The following PRMT8 variants were observed in gnomAD, a reference collection of about 807,000 sequenced individuals.
The protein encoded by PRMT8 is protein arginine methyltransferase 8.
A neutral mutation model predicts 47.1 loss-of-function variants in PRMT8; 7 were observed. The ratio of observed to expected loss-of-function variants is 0.15; its 90% CI spans 0.08 to 0.28. The LOEUF is 0.28. Among genes scored for constraint, PRMT8 ranks in the 10% least tolerant of loss-of-function variants. The pLI, the probability that PRMT8 is intolerant of heterozygous loss-of-function variation, is 1.00. For synonymous variants in PRMT8, 188 were observed against 186.5 expected (o/e 1.01, Z -0.07); for missense variants, 237 against 505.4 (o/e 0.47, Z 5.09).
At chr12:3,460,935 C>A (rs1188523845) in intron 1 of PRMT8, among the ~76,000 whole-genome samples, 1 of 152,172 alleles carries the variant, frequency 6.6e-6, no homozygotes, top group Non-Finnish European at 1.5e-5. Flanking sequence ...AAGAGGAGGG[C>A]AGTTTCCTGT....
chr12:3,558,879 A>G (rs1329983007), intron 4 of PRMT8, among the ~76,000 whole-genome samples: 5 of 152,128 alleles, frequency 3.3e-5, no homozygotes, highest in Non-Finnish European at 5.9e-5. Context: ...TGTAATTAGT[A>G]AGATTTTCTG....
chr12:3,405,714 A>C (rs1047111695), intron 1 of PRMT8, among the ~76,000 whole-genome samples: 1 of 152,208 alleles, frequency 6.6e-6, no homozygotes, highest in African/African-American at 2.4e-5. Flanking sequence ...CTTTGACACC[A>C]TGTCTCACAT....
chr12:3,432,663 C>T (rs1358722236), intron 1 of PRMT8, among the ~76,000 whole-genome samples: 1 of 152,120 alleles, frequency 6.6e-6, no homozygotes. Context: ...CTGCAGGTCT[C>T]GGTGCCTGCC....
chr12:3,382,173 G>A (rs533783135), intron 1 of PRMT8, among the ~76,000 whole-genome samples: 17 of 152,294 alleles, frequency 1.1e-4, no homozygotes, highest in African/African-American at 4.1e-4. Flanking sequence ...TGACTTTTAG[G>A]AATAAAGGTG....
At chr12:3,467,103 G>T (rs1865105256) in intron 1 of PRMT8, among the ~76,000 whole-genome samples, 1 of 151,918 alleles carries the variant, frequency 6.6e-6, no homozygotes, top group Non-Finnish European at 1.5e-5. Flanking sequence ...AACCGGGCGT[G>T]GTGGCGGGTG....
intron 1 of PRMT8, among the ~76,000 whole-genome samples, chr12:3,450,614 T>C (rs750160175): frequency 6.6e-6 from 1 of 152,228 alleles, no homozygotes; most frequent in Non-Finnish European, 1.5e-5. Flanking sequence ...CCATAGATCA[T>C]AAATTGTTAA....
rs548383592 is a variant in PRMT8, at chr12:3,576,424, G to A, written c.713-447G>A. 1.3e-4 allele frequency among the ~76,000 whole-genome samples: 20 copies of A among 152,340 alleles called. No homozygotes were observed. The highest frequency in any genetic ancestry group is 4.1e-4 in the South Asian group (2 of 4,830). On this transcript the variant is annotated intron_variant, in intron 6 of 9. Coordinates refer to ENST00000382622, the MANE Select transcript of PRMT8 (RefSeq NM_019854.5). This position sits in a 1 kb window ranked among gnomAD's most constrained non-coding sequence, Gnocchi z 4.0. ...GTGGATGGGGACAGGAAAAGGGAGA[G>A]AGATGGGCCTTCTAGGTCTTCTAGG...
Position 3,569,523 on chromosome 12 carries a change from T to C in PRMT8, c.671T>C (p.Val224Ala). Reference sequence around the variant, plus strand: ...CCAGACCGGGCAGCTTTGTACGTGGTAGCGATTGAAGACAGACAGTACAAG... The same window carrying C: ...CCAGACCGGGCAGCTTTGTACGTGGCAGCGATTGAAGACAGACAGTACAAG... ...MFPDRAALYV[V>A]AIEDRQYKDF... The change falls in exon 6 of 10, where the codon GTA becomes GCA. Residue 224 changes from valine (V) to alanine (A), a missense_variant. Physicochemically the swap from Val to Ala is moderately conservative, Grantham distance 64. Transcript: ENST00000382622. The surrounding 1 kb of genome is among the most constrained non-coding windows in gnomAD (Gnocchi z 8.2). 1 of 1,614,194 alleles carries C rather than the reference T, an allele frequency of 6.2e-7. No individual in the cohort carries two copies. Among genetic ancestry groups the C allele is most frequent in the Non-Finnish European group, 8.5e-7 (1 of 1,180,032 alleles).
rs1249489194 is a variant in PRMT8 at position 3,493,804 on chromosome 12, CAAAA to C, written c.75+2107_75+2110del. Among the ~76,000 whole-genome samples the C allele has an allele frequency of 1.3e-5, 2 of 152,230 alleles. No homozygotes were observed. The highest frequency in any genetic ancestry group is 2.9e-5 in the Non-Finnish European group (2 of 68,040). Reference sequence around the variant, plus strand: ...TGCGAACAACAACAAAACAAACAAACAAAAAACCACGTCGCGTGCGGGGCACCAA... The same window carrying C: ...TGCGAACAACAACAAAACAAACAAACAACCACGTCGCGTGCGGGGCACCAA... On this transcript the variant is annotated intron_variant, in intron 1 of 9. Transcript: ENST00000382622. This position sits in a 1 kb window ranked among gnomAD's most constrained non-coding sequence, Gnocchi z 8.2.
intron 1 of PRMT8, among the ~76,000 whole-genome samples, chr12:3,482,433 G>A (rs978361446): frequency 6.6e-6 from 1 of 152,196 alleles, no homozygotes; most frequent in Non-Finnish European, 1.5e-5. Context: ...AAGTCCTGAT[G>A]TCGTTGCATA....
rs116555951 is a variant in PRMT8 at position 3,560,554 on chromosome 12, A to C, written c.481+6840A>C. Among the ~76,000 whole-genome samples the C allele has an allele frequency of 5.3e-3, 811 of 152,348 alleles. 9 individuals are homozygous for C. Among genetic ancestry groups the C allele is most frequent in the African/African-American group, 0.018 (744 of 41,576 alleles). On this transcript the variant is annotated intron_variant, in intron 4 of 9. Transcript: ENST00000382622. ...CAGTGGGCTGCCGAGATGCTTAAAA[A>C]GGTAGATTCATTTGTGAAGGTTGAC...
chr12:3,436,981 T>G lies in PRMT8; in HGVS notation c.48+55539T>G, dbSNP rs1397936095. On this transcript the variant is annotated intron_variant, in intron 1 of 9. Coordinates refer to the PRMT8 transcript ENST00000452611. The surrounding 1 kb of genome is among the most constrained non-coding windows in gnomAD (Gnocchi z 4.2). ...GCAAACATTTACTCACCTTCTACTG[T>G]GTCCAAAGTACACAAAATAAGGGTC... Among the ~76,000 whole-genome samples the G allele has an allele frequency of 6.6e-6, 1 of 152,208 alleles. No individual in the cohort carries two copies.
At position 3,552,441 on chromosome 12, in the gene PRMT8, G is replaced by A. The variant is rs1591598486; in HGVS notation, c.418-1210G>A. 8.0e-6 allele frequency: 2 copies of A among 250,094 alleles called. No individual in the cohort carries two copies. Among genetic ancestry groups the A allele is most frequent in the Non-Finnish European group, 1.6e-5 (2 of 123,266 alleles). 15.5% of individuals were successfully genotyped at this position (250,094 alleles called of 1,614,324 possible). ...AGGACACTGAGGCGCAGTTAGGAAG[G>A]GCAGTGGCCAGGCATAAATCCAGGC... is the stretch of plus-strand genomic sequence containing the variant. On this transcript the variant is annotated intron_variant, in intron 3 of 9. Coordinates refer to ENST00000382622, the MANE Select transcript of PRMT8 (RefSeq NM_019854.5). This position sits in a 1 kb window ranked among gnomAD's most constrained non-coding sequence, Gnocchi z 4.5.
intron 2 of PRMT8, among the ~76,000 whole-genome samples, chr12:3,541,766 G>A (rs577919624): frequency 1.1e-4 from 17 of 152,120 alleles, no homozygotes; most frequent in African/African-American, 2.7e-4. Context: ...TGTTTGTTTC[G>A]TTTTAGTGCT....
intron 1 of PRMT8, among the ~76,000 whole-genome samples, chr12:3,382,600 G>A (rs531246650): frequency 6.6e-6 from 1 of 152,072 alleles, no homozygotes; most frequent in Non-Finnish European, 1.5e-5. Flanking sequence ...GAGTTCTTAT[G>A]TATTATAAAT....
At position 3,514,673 on chromosome 12, in the gene PRMT8, T is replaced by C. The variant is rs115155893; in HGVS notation, c.75+22973T>C. Among the ~76,000 whole-genome samples the C allele has an allele frequency of 8.6e-3, 1,215 of 141,842 alleles. 17 individuals are homozygous for C. The highest frequency in any genetic ancestry group is 0.029 in the African/African-American group (1,116 of 38,996). The allele number at this position is 141,842 out of a possible 152,430, so 93.1% of individuals were successfully genotyped here. ...GACCTTTCCGGCTGGGTTCTGCCTGTGGGCGACAGGAGCACCAGTGGGAGG... is the reference window on the plus strand; with the variant it reads ...GACCTTTCCGGCTGGGTTCTGCCTGCGGGCGACAGGAGCACCAGTGGGAGG... On this transcript the variant is annotated intron_variant, in intron 1 of 9. Transcript: ENST00000382622. This position sits in a 1 kb window ranked among gnomAD's most constrained non-coding sequence, Gnocchi z 5.9.
chr12:3,526,693 T>C (rs563587616), intron 1 of PRMT8, among the ~76,000 whole-genome samples: 9 of 152,304 alleles, frequency 5.9e-5, no homozygotes, highest in African/African-American at 1.7e-4. Context: ...AACATAACAA[T>C]TGGAATTGTT....
At chr12:3,578,937 T>C (rs1306994186) in intron 7 of PRMT8, among the ~76,000 whole-genome samples, 1 of 152,218 alleles carries the variant, frequency 6.6e-6, no homozygotes, top group Admixed American at 6.5e-5. Context: ...AGTCTAAGCC[T>C]CAGACTCTCC....
In PRMT8 at chr12:3,514,299, G is replaced by A. The variant is rs767595786; in HGVS notation, c.75+22599G>A. 1.6e-4 allele frequency among the ~76,000 whole-genome samples: 25 copies of A among 151,652 alleles called. No individual in the cohort carries two copies. Among genetic ancestry groups the A allele is most frequent in the Non-Finnish European group, 2.5e-4 (17 of 67,944 alleles). On this transcript the variant is annotated intron_variant, in intron 1 of 9. Coordinates refer to ENST00000382622, the MANE Select transcript of PRMT8 (RefSeq NM_019854.5). The surrounding 1 kb of genome is among the most constrained non-coding windows in gnomAD (Gnocchi z 5.9). Reference sequence around the variant, plus strand: ...TCTGGTTCCTCTGAGGTTGGTATCCGGTTGGCTCAGTGTCAGAGCCCTGGC... The same window carrying A: ...TCTGGTTCCTCTGAGGTTGGTATCCAGTTGGCTCAGTGTCAGAGCCCTGGC...
Sources: gnomAD v4.1 joint callset for allele counts (sites outside exome capture counted in the v4.1 genomes callset) on GRCh38, gnomAD v4.1.1 for gene constraint, Gnocchi (gnomAD v3.1) non-coding constraint, MANE v1.5 for transcripts, NCBI Gene and HGNC (gene_info 2026-07-23, HGNC 2026-07-21) for gene names.